UGT3A1: variants seen among roughly 807,000 people sequenced by gnomAD.
UGT3A1 encodes the protein UDP glycosyltransferase family 3 member A1, also known as UDP-glycosyltransferase 3A1.
Under a neutral mutation model 37.6 loss-of-function variants are expected in UGT3A1, and 40 were observed. The ratio of observed to expected loss-of-function variants is 1.06; its 90% confidence interval spans 0.83 to 1.38. The LOEUF is 1.38. UGT3A1 is among the 40% of genes most tolerant of loss of function. The probability of loss-of-function intolerance (pLI) is 0.00; values close to 1 mark genes in which losing one functional copy is unlikely to be tolerated. For missense variants in UGT3A1, 642 were observed against 634.2 expected (o/e 1.01, Z -0.13); for synonymous variants, 256 against 232.3 (o/e 1.10, Z -0.93).
chr5:35,956,048 T>C (rs1249178801), intron 5 of UGT3A1, among the ~76,000 whole-genome samples, 184 bp from the exon 6 acceptor site: 1 of 152,224 alleles, frequency 6.6e-6, no homozygotes, highest in Non-Finnish European at 1.5e-5. Flanking sequence ...CCTCCCTTTC[T>C]GTAGAGATTC....
rs142851294 is a variant in UGT3A1 at position 35,971,329 on chromosome 5, G to T, written c.197-3196C>A. On this transcript the variant is annotated intron_variant, in intron 2 of 6. Transcript: ENST00000274278. The stretch of plus-strand genomic sequence containing the variant: ...ACAAAGTAGAAGGCATGGTGCTTCA[G>T]TTACATTCCTGAGAAGAATTGCTTG... 3.4e-3 allele frequency among the ~76,000 whole-genome samples: 518 copies of T among 152,224 alleles called. 4 individuals are homozygous for T. Among genetic ancestry groups the T allele is most frequent in the Admixed American group, 0.012 (178 of 15,282 alleles).
chr5:35,957,068 C>G (rs1739382120), intron 5 of UGT3A1, 120 bp downstream of exon 5: 1 of 763,280 alleles, frequency 1.3e-6, no homozygotes, highest in African/African-American at 1.7e-5. Context: ...CTGAGCATTA[C>G]CTTTACCTAT....
rs71617736 is a variant in UGT3A1, at chr5:35,980,475, G to T, written c.196+7975C>A. On this transcript the variant is annotated intron_variant, in intron 2 of 6. Transcript: ENST00000274278. ...AAACAATACCAGAGGGGAGAGAGCT[G>T]CAGAGAGAAAAGTCAAGTTGGGATC... 9.5e-3 allele frequency among the ~76,000 whole-genome samples: 1,453 copies of T among 152,328 alleles called. 19 individuals carry two copies. The highest frequency in any genetic ancestry group is 0.015 in the Non-Finnish European group (993 of 68,040).
intron 4 of UGT3A1, among the ~76,000 whole-genome samples, chr5:35,958,263 G>A (rs1739436762): frequency 6.6e-6 from 1 of 151,994 alleles, no homozygotes; most frequent in Admixed American, 6.6e-5. Context: ...TTTGTCCTCA[G>A]GTAATTCTTA....
intron 2 of UGT3A1, among the ~76,000 whole-genome samples, chr5:35,969,985 G>A (rs1479346848): frequency 6.6e-6 from 1 of 152,164 alleles, no homozygotes; most frequent in Non-Finnish European, 1.5e-5. Context: ...CCACATGGCT[G>A]AGGAGACCTC....
chr5:35,993,519 C>G (rs938168567), upstream of UGT3A1, among the ~76,000 whole-genome samples: 2 of 151,836 alleles, frequency 1.3e-5, no homozygotes, highest in East Asian at 3.9e-4. Flanking sequence ...GACTATTTTT[C>G]CCTACCCACC....
At chr5:35,979,216 T>C (rs1740421423) in intron 2 of UGT3A1, among the ~76,000 whole-genome samples, 1 of 152,168 alleles carries the variant, frequency 6.6e-6, no homozygotes, top group African/African-American at 2.4e-5. Flanking sequence ...ACTTGGCTTC[T>C]CCTTACTTAT....
At chr5:35,989,897 A>T (rs1740869314) in intron 1 of UGT3A1, among the ~76,000 whole-genome samples, 1 of 152,148 alleles carries the variant, frequency 6.6e-6, no homozygotes, top group African/African-American at 2.4e-5. Flanking sequence ...ATCCTGGCTA[A>T]CACGGTTAAA....
Position 35,968,173 on chromosome 5 carries a change from T to C in UGT3A1, c.197-40A>G, listed in dbSNP as rs368737918. 62 of 1,219,922 alleles carry C rather than the reference T, an allele frequency of 5.1e-5. No individual in the cohort carries two copies. The African/African-American group carries it at 9.2e-4, about 18-fold the overall frequency. The allele number at this position is 1,219,922 out of a possible 1,614,324, so 75.6% of individuals were successfully genotyped here. A position where few individuals can be genotyped will look rare whatever the true frequency, so the allele number is the denominator to read the frequency against. On this transcript the variant is annotated intron_variant, in intron 2 of 6. Transcript: ENST00000274278. ...ATTGGTTAAAAAGGTAAATATATCA[T>C]ACAACATGGATTAACATTAGCATGA...
chr5:35,992,808 T>G (rs1462976024), upstream of UGT3A1, among the ~76,000 whole-genome samples: 1 of 152,196 alleles, frequency 6.6e-6, no homozygotes, highest in Non-Finnish European at 1.5e-5. Flanking sequence ...TTTGGAGAAT[T>G]TTATGTTATT....
intron 4 of UGT3A1, among the ~76,000 whole-genome samples, chr5:35,964,147 C>A (rs904464617): frequency 3.3e-5 from 5 of 151,988 alleles, no homozygotes; most frequent in African/African-American, 1.2e-4. Context: ...TTAAAATAAT[C>A]AAAAAGAGAA....
chr5:35,965,843 T>A lies in UGT3A1; in HGVS notation c.386A>T (p.Asp129Val). 6.2e-7 allele frequency: 1 copy of A among 1,612,358 alleles called. No homozygotes were observed. The change falls in exon 4 of 7, where the codon GAT (aspartate) becomes GTT (valine). Residue 129 changes from aspartate to valine, a missense_variant. Physicochemically the swap from Asp to Val is radical, Grantham distance 152. Transcript: ENST00000274278. ...TQCSYLLSRK[D>V]IMDSLKNENY... ...CTCATTCTTTAAGGAATCCATTATA[T>A]CCTTTCTGCTTAGCAAATAACTACA...
chr5:35,966,884 A>G (rs1213745331), intron 3 of UGT3A1, among the ~76,000 whole-genome samples: 1 of 152,252 alleles, frequency 6.6e-6, no homozygotes, highest in African/African-American at 2.4e-5. Context: ...CCTGTTCTTA[A>G]GAATCAACTT....
intron 6 of UGT3A1, chr5:35,955,273 C>T (rs536106162): frequency 2.5e-6 from 1 of 393,810 alleles, no homozygotes; most frequent in African/African-American, 2.0e-5. Flanking sequence ...GAAGGGTGTT[C>T]TAGGGAGCAG....
rs1375430197 is a variant in UGT3A1, at chr5:35,953,533, G to A, written c.*669C>T. ...CTGAAGCCACAAAGCCTTACACATG[G>A]ATTTCCACTTCACTACTTGAGGTTC... On this transcript the variant is annotated 3_prime_UTR_variant, in exon 7 of 7. Coordinates refer to ENST00000274278, the MANE Select transcript of UGT3A1 (RefSeq NM_152404.4). 1 of 152,306 alleles carries A rather than the reference G, an allele frequency of 6.6e-6. No homozygotes were observed. Among genetic ancestry groups the A allele is most frequent in the African/African-American group, 2.4e-5 (1 of 41,428 alleles). The allele number at this position is 152,306 out of a possible 1,614,324, so 9.4% of individuals were successfully genotyped here.
chr5:35,980,085 C>T (rs1740458232), intron 2 of UGT3A1, among the ~76,000 whole-genome samples: 2 of 152,192 alleles, frequency 1.3e-5, no homozygotes, highest in Admixed American at 1.3e-4. Context: ...AAAAACATAT[C>T]AGACTGTGCC....
intron 4 of UGT3A1, chr5:35,960,806 A>T (rs191519540): frequency 3.3e-5 from 5 of 152,192 alleles, no homozygotes; most frequent in Non-Finnish European, 4.4e-5. Context: ...ATGCATGGGG[A>T]GCTGGAAAGG....
At chr5:35,993,250 G>C (rs749095682), upstream of UGT3A1, among the ~76,000 whole-genome samples, 9 of 152,110 alleles carry the variant, frequency 5.9e-5, no homozygotes, top group African/African-American at 1.4e-4. Flanking sequence ...TGGATCACAA[G>C]GTCAGGAGAT....
intron 3 of UGT3A1, among the ~76,000 whole-genome samples, chr5:35,967,240 G>A (rs1015993871): frequency 1.3e-4 from 20 of 152,244 alleles, no homozygotes; most frequent in Admixed American, 6.5e-4. Flanking sequence ...CTATGGAGGA[G>A]AGAAAGTGGT....
Sources: allele counts gnomAD v4.1 joint callset (sites outside exome capture counted in the v4.1 genomes callset), GRCh38; gene constraint gnomAD v4.1.1; transcripts MANE v1.5; gene names NCBI Gene and HGNC (gene_info 2026-07-23, HGNC 2026-07-21).